The following NRG1 variants were observed in gnomAD, a reference collection of about 807,000 sequenced individuals.
NRG1 encodes the protein pro-neuregulin-1, membrane-bound isoform.
In NRG1, 18 loss-of-function variants were observed where a neutral mutation model predicts 63.8. That is an observed-to-expected ratio of 0.28 (90% CI 0.19 to 0.42). NRG1 has a LOEUF of 0.42. Ranked by LOEUF, NRG1 falls within the 10% of genes least tolerant of loss-of-function variation. The pLI, the probability that NRG1 is intolerant of heterozygous loss-of-function variation, is 1.00. For missense variants in NRG1, 762 were observed against 814.7 expected, an observed-to-expected ratio of 0.94 and a Z score of 0.79; for synonymous variants, 302 against 301.3, an observed-to-expected ratio of 1.00 and a Z score of -0.02.
At chr8:32,753,757 A>T (rs575333621) in intron 7 of NRG1, among the ~76,000 whole-genome samples, 2 of 152,204 alleles carry the variant, frequency 1.3e-5, no homozygotes, top group African/African-American at 4.8e-5. Context: ...TCAATTTACT[A>T]GTTAACTACA....
At chr8:32,253,003 TATTG>T (rs1269921915) in intron 1 of NRG1, among the ~76,000 whole-genome samples, 1 of 152,192 alleles carries the variant, frequency 6.6e-6, no homozygotes, top group African/African-American at 2.4e-5. Context: ...GTTTTTCTAT[TATTG>T]ATGTATAGGA....
intron 1 of NRG1, among the ~76,000 whole-genome samples, chr8:32,519,021 G>A (rs923365270): frequency 5.3e-5 from 8 of 152,198 alleles, no homozygotes; most frequent in African/African-American, 1.2e-4. Context: ...ACAAAATTAC[G>A]TTGTTATTAT....
intron 1 of NRG1, among the ~76,000 whole-genome samples, chr8:32,260,542 A>T (rs1850249843): frequency 6.6e-6 from 1 of 152,144 alleles, no homozygotes; most frequent in African/African-American, 2.4e-5. Context: ...TTAATGCACT[A>T]TAGATGAGTA....
At chr8:32,746,357 TTAAGA>T (rs2129044337) in intron 7 of NRG1, among the ~76,000 whole-genome samples, 1 of 152,306 alleles carries the variant, frequency 6.6e-6, no homozygotes, top group African/African-American at 2.4e-5. Flanking sequence ...AGTCAAGACT[TTAAGA>T]TTTTAAGTCT....
intron 1 of NRG1, among the ~76,000 whole-genome samples, chr8:32,129,002 A>G (rs988599631): frequency 5.9e-5 from 9 of 151,902 alleles, no homozygotes; most frequent in African/African-American, 2.2e-4. Flanking sequence ...TTACAGTGGG[A>G]ATGCTTCCAT....
intron 1 of NRG1, among the ~76,000 whole-genome samples, chr8:32,255,201 A>G (rs1442719210): frequency 6.6e-6 from 1 of 152,176 alleles, no homozygotes; most frequent in African/African-American, 2.4e-5. Context: ...ATTTAAGGTT[A>G]ATATTGTTAT....
chr8:32,391,218 C>T (rs994466631), intron 1 of NRG1, among the ~76,000 whole-genome samples: 4 of 152,012 alleles, frequency 2.6e-5, no homozygotes, highest in East Asian at 1.9e-4. Flanking sequence ...GCAGCCTCTA[C>T]CTCCTGGGCT....
intron 1 of NRG1, among the ~76,000 whole-genome samples, chr8:32,453,894 A>G (rs1471566818): frequency 6.6e-6 from 1 of 152,206 alleles, no homozygotes; most frequent in Non-Finnish European, 1.5e-5. Flanking sequence ...TGTGGTGCAG[A>G]GAAACTCCCT....
intron 1 of NRG1, among the ~76,000 whole-genome samples, chr8:31,805,824 T>C (rs1822219261): frequency 1.5e-5 from 1 of 68,700 alleles, no homozygotes. Flanking sequence ...CGGGACTCCG[T>C]CTCAAAAAAA....
intron 1 of NRG1, among the ~76,000 whole-genome samples, chr8:31,860,027 G>C (rs939810849): frequency 6.6e-6 from 1 of 152,198 alleles, no homozygotes; most frequent in Non-Finnish European, 1.5e-5. Flanking sequence ...AGGTTACTTG[G>C]GGGCAAGACA....
chr8:32,490,868 T>C (rs1205513363), intron 1 of NRG1, among the ~76,000 whole-genome samples: 5 of 152,222 alleles, frequency 3.3e-5, no homozygotes, highest in Admixed American at 3.3e-4. Context: ...TATCTCATTC[T>C]GATCTCTGCC....
chr8:32,759,010 G>C (rs974346585), intron 9 of NRG1, among the ~76,000 whole-genome samples: 1 of 152,114 alleles, frequency 6.6e-6, no homozygotes. Context: ...AAATAAAATA[G>C]AAGAAATAGG....
intron 1 of NRG1, among the ~76,000 whole-genome samples, chr8:31,740,709 C>A (rs117548543): frequency 0.015 from 2,328 of 150,784 alleles, 22 homozygotes; most frequent in Admixed American, 0.024. Flanking sequence ...GAGAGAGGGA[C>A]CACAAAGTCT....
chr8:32,265,520 GAAA>G (rs1285147898), intron 1 of NRG1, among the ~76,000 whole-genome samples: 1 of 151,252 alleles, frequency 6.6e-6, no homozygotes, highest in African/African-American at 2.4e-5. Context: ...AAAATATTCA[GAAA>G]AAAAAATTTA....
intron 1 of NRG1, among the ~76,000 whole-genome samples, chr8:32,199,861 C>A (rs1843326642): frequency 1.3e-5 from 2 of 152,102 alleles, no homozygotes; most frequent in Admixed American, 1.3e-4. Context: ...TTCACTGCAA[C>A]CTCCGCCTCC....
intron 1 of NRG1, among the ~76,000 whole-genome samples, chr8:32,202,179 C>T (rs1563903774): frequency 6.6e-6 from 1 of 152,062 alleles, no homozygotes; most frequent in African/African-American, 2.4e-5. Flanking sequence ...CTTTGCCTGT[C>T]TTTCCACTTT....
At chr8:32,137,767 G>T (rs1585579228) in intron 1 of NRG1, among the ~76,000 whole-genome samples, 1 of 152,064 alleles carries the variant, frequency 6.6e-6, no homozygotes, top group South Asian at 2.1e-4. Flanking sequence ...TCTCTATTTG[G>T]GTTTCAGGAA....
intron 1 of NRG1, among the ~76,000 whole-genome samples, chr8:32,141,194 G>A (rs1428242872): frequency 6.6e-6 from 1 of 152,072 alleles, no homozygotes; most frequent in Non-Finnish European, 1.5e-5. Context: ...AGGGATTTGA[G>A]GTCAGTGGGC....
chr8:32,374,445 G>A (rs756650528), intron 1 of NRG1, among the ~76,000 whole-genome samples: 12 of 152,166 alleles, frequency 7.9e-5, no homozygotes, highest in South Asian at 2.1e-4. Flanking sequence ...TGGTAGTATC[G>A]GAGGCATCAT....
Sources: gnomAD v4.1 joint callset for allele counts (sites outside exome capture counted in the v4.1 genomes callset) on GRCh38, gnomAD v4.1.1 for gene constraint, MANE v1.5 for transcripts, NCBI Gene and HGNC (gene_info 2026-07-23, HGNC 2026-07-21) for gene names.